EDIL3: variants seen among roughly 807,000 people sequenced by gnomAD.
The protein encoded by EDIL3 is EGF-like repeat and discoidin I-like domain-containing protein 3.
EDIL3 carries 37 observed loss-of-function variants against 67.4 expected under a neutral mutation model. The observed-to-expected ratio is 0.55, with a 90% CI of 0.42 to 0.72. The LOEUF (loss-of-function observed/expected upper bound fraction) is 0.72, where lower values mean the gene tolerates loss of function less well. EDIL3 is among the 30% of genes least tolerant of loss of function. The pLI is 0.00. For missense variants in EDIL3, 527 were observed against 586.3 expected, an observed-to-expected ratio of 0.90 and a Z score of 1.04; for synonymous variants, 195 against 196.3, an observed-to-expected ratio of 0.99 and a Z score of 0.05.
chr5:84,288,606 C>T (rs1015285347), intron 1 of EDIL3, among the ~76,000 whole-genome samples: 3 of 152,080 alleles, frequency 2.0e-5, no homozygotes, highest in African/African-American at 4.8e-5. Context: ...CCTGTCACCT[C>T]GGGATATTTC....
intron 9 of EDIL3, among the ~76,000 whole-genome samples, chr5:83,985,647 A>G (rs1745046579): frequency 1.3e-5 from 2 of 152,064 alleles, no homozygotes; most frequent in Admixed American, 1.3e-4. Flanking sequence ...TAAAATAAGT[A>G]AATTGGCCTT....
intron 1 of EDIL3, among the ~76,000 whole-genome samples, chr5:84,329,552 C>A (rs1382168043): frequency 6.6e-6 from 1 of 151,902 alleles, no homozygotes; most frequent in Non-Finnish European, 1.5e-5. Context: ...TTTTGTTGGA[C>A]GTTAGTCTGT....
intron 9 of EDIL3, among the ~76,000 whole-genome samples, chr5:83,994,747 C>T (rs528098581): frequency 2.4e-4 from 36 of 152,228 alleles, no homozygotes; most frequent in African/African-American, 8.7e-4. Context: ...AAATTATGTG[C>T]ACAGAAAAAC....
At chr5:84,080,624 G>T (rs1172686927) in intron 6 of EDIL3, among the ~76,000 whole-genome samples, 1 of 146,972 alleles carries the variant, frequency 6.8e-6, no homozygotes, top group Non-Finnish European at 1.5e-5. Flanking sequence ...GAAAAGAAAA[G>T]GTTTTTTTCT....
At chr5:84,161,060 T>TA (rs973484164) in intron 4 of EDIL3, among the ~76,000 whole-genome samples, 5 of 151,992 alleles carry the variant, frequency 3.3e-5, no homozygotes, top group African/African-American at 4.8e-5. Context: ...CCTCACAGCT[T>TA]AGCTCCCACT....
intron 3 of EDIL3, among the ~76,000 whole-genome samples, chr5:84,181,472 T>C (rs2112358468): frequency 6.6e-6 from 1 of 152,336 alleles, no homozygotes; most frequent in South Asian, 2.1e-4. Flanking sequence ...ATGGTGTGGC[T>C]GAGATTTTTC....
chr5:84,300,933 TACACACACAC>T (rs5869219), intron 1 of EDIL3, among the ~76,000 whole-genome samples: 6 of 149,598 alleles, frequency 4.0e-5, no homozygotes, highest in Non-Finnish European at 7.4e-5. Flanking sequence ...CACAGACACA[TACACACACAC>T]ACACACACAC....
intron 1 of EDIL3, among the ~76,000 whole-genome samples, chr5:84,319,005 C>T (rs189155356): frequency 1.3e-5 from 2 of 152,108 alleles, no homozygotes; most frequent in Non-Finnish European, 2.9e-5. Context: ...TATGAACAGA[C>T]ACTACTCAAA....
chr5:84,327,490 TAG>T (rs751562377), intron 1 of EDIL3, among the ~76,000 whole-genome samples: 8 of 152,166 alleles, frequency 5.3e-5, no homozygotes, highest in Non-Finnish European at 1.0e-4. Context: ...AATCTGTATA[TAG>T]TGATTTTACT....
In EDIL3 at chr5:84,229,891, T is replaced by C. The variant is rs200090780; in HGVS notation, c.197-7A>G. 6.3e-6 allele frequency: 10 copies of C among 1,582,810 alleles called. No individual in the cohort carries two copies. The highest frequency in any genetic ancestry group is 1.4e-5 in the African/African-American group (1 of 70,856). On this transcript the variant is annotated splice_polypyrimidine_tract_variant and splice_region_variant and intron_variant, in intron 2 of 10. Transcript: ENST00000296591. The stretch of plus-strand genomic sequence containing the variant: ...GGTTCTTCTTCATCTGATGCTATGA[T>C]AAGAGGAAAAGGTGAAATGGGGGTG...
In EDIL3 at chr5:84,329,711, C is replaced by G. The variant is rs183552846; in HGVS notation, c.67+54597G>C. Among the ~76,000 whole-genome samples, 10 of 152,122 alleles carry G rather than the reference C, an allele frequency of 6.6e-5. No individual in the cohort carries two copies. In the East Asian group the frequency reaches 1.9e-3, roughly 29 times the overall value. ...TAGCAATTTCTTTAAGTAAATGCCA[C>G]TTACCACTTTTATTACAATAATGAT... On this transcript the variant is annotated intron_variant, in intron 1 of 10. Coordinates refer to ENST00000296591, the MANE Select transcript of EDIL3 (RefSeq NM_005711.5).
At chr5:84,351,871 A>C (rs951310503) in intron 1 of EDIL3, among the ~76,000 whole-genome samples, 2 of 152,072 alleles carry the variant, frequency 1.3e-5, no homozygotes, top group African/African-American at 4.8e-5. Flanking sequence ...ATGGGAGAAA[A>C]TATTTTCAAT....
At chr5:84,070,434 C>G (rs528335062) in intron 6 of EDIL3, among the ~76,000 whole-genome samples, 6 of 152,182 alleles carry the variant, frequency 3.9e-5, no homozygotes, top group Admixed American at 1.3e-4. Flanking sequence ...GTCTCCTCCC[C>G]CTAAGGGTTT....
chr5:84,147,787 A>C (rs115591636), intron 4 of EDIL3, among the ~76,000 whole-genome samples: 2,553 of 152,120 alleles, frequency 0.017, 73 homozygotes, highest in African/African-American at 0.058. Context: ...AAGTAATGTT[A>C]CATTTCAATA....
At chr5:84,340,520 CTCTCTCTCTCTCTCTA>C in intron 1 of EDIL3, among the ~76,000 whole-genome samples, 1 of 69,018 alleles carries the variant, frequency 1.4e-5, no homozygotes, top group African/African-American at 4.4e-5. Flanking sequence ...CTCTCTCTCT[CTCTCTCTCTCTCTCTA>C]TATATATATA....
intron 1 of EDIL3, among the ~76,000 whole-genome samples, chr5:84,355,595 C>G (rs544590717): frequency 6.6e-6 from 1 of 152,108 alleles, no homozygotes; most frequent in Non-Finnish European, 1.5e-5. Flanking sequence ...ACCCTGTTTG[C>G]CTAGGTATCA....
chr5:84,189,743 T>C (rs888775048), intron 3 of EDIL3, among the ~76,000 whole-genome samples: 1 of 152,078 alleles, frequency 6.6e-6, no homozygotes, highest in South Asian at 2.1e-4. Context: ...TCTGTAGTTA[T>C]TCTGCATATA....
At chr5:84,327,282 T>C (rs1197321342) in intron 1 of EDIL3, among the ~76,000 whole-genome samples, 1 of 152,020 alleles carries the variant, frequency 6.6e-6, no homozygotes, top group African/African-American at 2.4e-5. Flanking sequence ...TTTTAATTGT[T>C]CCTACTGTTC....
intron 2 of EDIL3, among the ~76,000 whole-genome samples, chr5:84,250,813 A>C (rs1206049777): frequency 6.6e-6 from 1 of 152,208 alleles, no homozygotes; most frequent in Non-Finnish European, 1.5e-5. Context: ...GAAATTAAAA[A>C]TATAAAGATT....
Sources: allele counts gnomAD v4.1 joint callset (sites outside exome capture counted in the v4.1 genomes callset), GRCh38; gene constraint gnomAD v4.1.1; transcripts MANE v1.5; gene names NCBI Gene and HGNC (gene_info 2026-07-23, HGNC 2026-07-21).